Variants in THSD7B observed in about 807,000 individuals in gnomAD.
THSD7B encodes the protein thrombospondin type-1 domain-containing protein 7B.
Under a neutral mutation model 213.6 loss-of-function variants are expected in THSD7B, and 138 were observed. The ratio of observed to expected loss-of-function variants is 0.65; its 90% CI spans 0.56 to 0.74. The LOEUF (loss-of-function observed/expected upper bound fraction) is 0.74, where lower values mean the gene tolerates loss of function less well. THSD7B is among the 30% of genes least tolerant of loss of function. THSD7B has a pLI of 0.00. For missense variants in THSD7B, 1,931 were observed against 1,991.5 expected (o/e 0.97, Z 0.58); for synonymous variants, 742 against 687.0 (o/e 1.08, Z -1.25).
chr2:136,988,060 A>G (rs1169765953), intron 2 of THSD7B, among the ~76,000 whole-genome samples: 4 of 152,186 alleles, frequency 2.6e-5, no homozygotes, highest in Non-Finnish European at 5.9e-5. Flanking sequence ...ATATTTAGTA[A>G]ATGCACTGAG....
intron 10 of THSD7B, 31 bp from the exon 11 acceptor site, chr2:137,272,502 A>T (rs1682769399): frequency 1.8e-5 from 28 of 1,580,202 alleles, no homozygotes; most frequent in Non-Finnish European, 2.3e-5. Context: ...ATAAAAGGGC[A>T]CTATATAATT....
chr2:137,656,867 G>A lies in THSD7B; in HGVS notation c.4177G>A (p.Glu1393Lys), dbSNP rs752192803. Residue 1393 changes from glutamate to lysine, a missense_variant, in exon 23 of 28, where the codon GAG becomes AAG. Physicochemically the swap from Glu to Lys is moderately conservative, Grantham distance 56 (BLOSUM62 1). Coordinates refer to ENST00000409968, the MANE Select transcript of THSD7B (RefSeq NM_001316349.2). ...ELTCIDGRSF[E>K]TVGRQSRSRT... ...AACCTGCATTGATGGAAGAAGCTTT[G>A]AGACTGTGGGCCGCCAGTCTAGATC... is the stretch of plus-strand genomic sequence containing the variant. The A allele has an allele frequency of 6.2e-7, 1 of 1,614,014 alleles. No homozygotes were observed. Among genetic ancestry groups the A allele is most frequent in the Non-Finnish European group, 8.5e-7 (1 of 1,179,892 alleles).
At chr2:137,213,906 C>T (rs1488697639) in intron 7 of THSD7B, among the ~76,000 whole-genome samples, 1 of 152,124 alleles carries the variant, frequency 6.6e-6, no homozygotes, top group East Asian at 1.9e-4. Context: ...AATGATATGA[C>T]TCTCTATCTT....
At chr2:137,022,342 C>A (rs1686460097) in intron 2 of THSD7B, among the ~76,000 whole-genome samples, 2 of 152,102 alleles carry the variant, frequency 1.3e-5, no homozygotes, top group African/African-American at 2.4e-5. Context: ...TCTTTACAAG[C>A]ATTTAGTGTT....
At chr2:137,253,538 T>G (rs978740430) in intron 10 of THSD7B, among the ~76,000 whole-genome samples, 1 of 152,224 alleles carries the variant, frequency 6.6e-6, no homozygotes, top group Non-Finnish European at 1.5e-5. Context: ...CTTTACAAAA[T>G]GCTTTTGCTT....
chr2:137,640,270 T>C (rs575801250), intron 20 of THSD7B, among the ~76,000 whole-genome samples: 1 of 152,274 alleles, frequency 6.6e-6, no homozygotes, highest in African/African-American at 2.4e-5. Flanking sequence ...TTCTTCCTCA[T>C]TTTTCTCTTA....
intron 1 of THSD7B, among the ~76,000 whole-genome samples, chr2:136,875,429 A>G (rs1394304585): frequency 6.6e-6 from 1 of 152,150 alleles, no homozygotes; most frequent in East Asian, 1.9e-4. Context: ...AAAAATAAAT[A>G]AAGAAAGAAA....
chr2:137,383,617 G>A (rs1685827157), intron 12 of THSD7B, among the ~76,000 whole-genome samples: 1 of 152,180 alleles, frequency 6.6e-6, no homozygotes, highest in Non-Finnish European at 1.5e-5. Flanking sequence ...GGTGCATTAG[G>A]TGACCACCCA....
chr2:137,414,762 AATTAT>A (rs541968516), intron 14 of THSD7B, among the ~76,000 whole-genome samples: 155 of 150,926 alleles, frequency 1.0e-3, no homozygotes, highest in African/African-American at 3.0e-3. Flanking sequence ...CACTATTAAG[AATTAT>A]ATTATAGGTT....
intron 2 of THSD7B, among the ~76,000 whole-genome samples, chr2:137,002,758 C>T (rs543980931): frequency 7.9e-5 from 12 of 152,134 alleles, no homozygotes; most frequent in African/African-American, 2.9e-4. Context: ...TCCTGTTTTC[C>T]CCTTTTTTTG....
intron 12 of THSD7B, among the ~76,000 whole-genome samples, chr2:137,319,415 A>G (rs1184648043): frequency 6.6e-6 from 1 of 152,096 alleles, no homozygotes; most frequent in Non-Finnish European, 1.5e-5. Flanking sequence ...TCTTATTACT[A>G]TCTACAGAGC....
chr2:137,637,475 A>G (rs886682870), intron 20 of THSD7B, among the ~76,000 whole-genome samples: 7 of 152,206 alleles, frequency 4.6e-5, no homozygotes, highest in Non-Finnish European at 1.0e-4. Flanking sequence ...CGAACCAATT[A>G]AACACAAAAT....
intron 15 of THSD7B, among the ~76,000 whole-genome samples, chr2:137,555,177 A>T (rs984660390): frequency 3.3e-5 from 5 of 152,202 alleles, no homozygotes; most frequent in African/African-American, 1.2e-4. Flanking sequence ...TCCCTGTCTG[A>T]CAGCTTTGAA....
At chr2:137,074,918 C>G (rs1181735707) in intron 3 of THSD7B, among the ~76,000 whole-genome samples, 1 of 152,226 alleles carries the variant, frequency 6.6e-6, no homozygotes, top group Non-Finnish European at 1.5e-5. Flanking sequence ...TTGGCCCCCA[C>G]TCTCTTCTGG....
chr2:137,155,651 A>G (rs769744424), intron 5 of THSD7B, among the ~76,000 whole-genome samples: 4 of 152,174 alleles, frequency 2.6e-5, no homozygotes, highest in African/African-American at 4.8e-5. Flanking sequence ...TTTAAAAAGT[A>G]TGATAGTCAT....
chr2:136,840,536 C>T (rs2104954987), intron 1 of THSD7B, among the ~76,000 whole-genome samples: 1 of 152,238 alleles, frequency 6.6e-6, no homozygotes, highest in Middle Eastern at 3.4e-3. Context: ...TGAAGCAAAC[C>T]TGGTGTGTTA....
At chr2:137,179,168 T>A (rs1680409303) in intron 7 of THSD7B, among the ~76,000 whole-genome samples, 2 of 152,162 alleles carry the variant, frequency 1.3e-5, no homozygotes, top group Non-Finnish European at 1.5e-5. Flanking sequence ...ACCCAACCTT[T>A]CAGTGAGAAT....
chr2:137,269,401 G>T (rs1682681922), intron 10 of THSD7B, among the ~76,000 whole-genome samples: 1 of 152,228 alleles, frequency 6.6e-6, no homozygotes, highest in African/African-American at 2.4e-5. Flanking sequence ...GTGTGCACGT[G>T]TGTGCATGTG....
intron 3 of THSD7B, among the ~76,000 whole-genome samples, chr2:137,059,213 C>A (rs1687225579): frequency 6.6e-6 from 1 of 152,044 alleles, no homozygotes; most frequent in Admixed American, 6.6e-5. Flanking sequence ...CTTATAAGGT[C>A]ACCAATCCTA....
Sources: allele counts gnomAD v4.1 joint callset (sites outside exome capture counted in the v4.1 genomes callset), GRCh38; gene constraint gnomAD v4.1.1; transcripts MANE v1.5; gene names NCBI Gene and HGNC (gene_info 2026-07-23, HGNC 2026-07-21).